The following LRBA variants were observed in gnomAD, a reference collection of about 807,000 sequenced individuals.
LRBA encodes the protein LPS responsive beige-like anchor protein.
Under a neutral mutation model 330.0 loss-of-function variants are expected in LRBA, and 176 were observed. The observed-to-expected ratio is 0.53, with a 90% CI of 0.47 to 0.60. The LOEUF is 0.60. Ranked by LOEUF, LRBA falls within the 20% of genes least tolerant of loss-of-function variation. LRBA has a pLI of 0.00. For synonymous variants in LRBA, 1,230 were observed against 1,193.0 expected (o/e 1.03, Z -0.64); for missense variants, 3,259 against 3,444.8 (o/e 0.95, Z 1.35).
chr4:150,654,689 C>T (rs1036825403), intron 37 of LRBA, among the ~76,000 whole-genome samples: 4 of 152,230 alleles, frequency 2.6e-5, no homozygotes, highest in East Asian at 3.9e-4. Flanking sequence ...GCTATCCCTA[C>T]CCCCTCCCCC....
At chr4:150,748,178 CAT>C (rs1582229400) in intron 35 of LRBA, among the ~76,000 whole-genome samples, 1 of 152,294 alleles carries the variant, frequency 6.6e-6, no homozygotes, top group South Asian at 2.1e-4. Context: ...AAATACATCA[CAT>C]ATATGTTTAT....
At chr4:150,457,517 A>G (rs909458965) in intron 44 of LRBA, among the ~76,000 whole-genome samples, 25 of 152,056 alleles carry the variant, frequency 1.6e-4, no homozygotes, top group African/African-American at 4.1e-4. Context: ...ACTGTAAAAA[A>G]GCATAGTACA....
At chr4:150,638,277 T>A (rs1213485103) in intron 37 of LRBA, among the ~76,000 whole-genome samples, 1 of 152,148 alleles carries the variant, frequency 6.6e-6, no homozygotes, top group Non-Finnish European at 1.5e-5. Flanking sequence ...TCCACCCGCC[T>A]CAGCCTACCA....
chr4:151,014,889 T>C (rs1745252096), intron 1 of LRBA, 28 bp from the exon 2 acceptor site: 1 of 453,606 alleles, frequency 2.2e-6, no homozygotes, highest in Non-Finnish European at 3.9e-6. Flanking sequence ...ATATGTTAAA[T>C]AGGCTAGGTT....
intron 40 of LRBA, chr4:150,582,926 GCACCGCCTCTTTCGAAAGC>G: frequency 7.4e-7 from 1 of 1,349,006 alleles, no homozygotes; most frequent in Non-Finnish European, 1.0e-6. Context: ...AACGGGGAGC[GCACCGCCTCTTTCGAAAGC>G]CGCTGGGCCA....
At chr4:150,525,195 T>C (rs13150736) in intron 40 of LRBA, among the ~76,000 whole-genome samples, 54,322 of 151,908 alleles carry the variant, frequency 0.36, 11,632 homozygotes, top group South Asian at 0.5. Context: ...TCAGAAGGCA[T>C]TGTGTATAGT....
chr4:150,735,377 T>C lies in LRBA; in HGVS notation c.5646-11A>G, dbSNP rs753422452. 6.5e-7 allele frequency: 1 copy of C among 1,530,288 alleles called. No homozygotes were observed. Among genetic ancestry groups the C allele is most frequent in the Admixed American group, 1.7e-5 (1 of 59,882 alleles). 94.8% of individuals were successfully genotyped at this position (1,530,288 alleles called of 1,614,324 possible). On this transcript the variant is annotated splice_polypyrimidine_tract_variant and intron_variant, in intron 35 of 56. Transcript: ENST00000651943. ...GTCTGGCTAAGCAACCTGTAAGAAATGAATGTTATCAAATAAATATATGTA... is the reference window on the plus strand; with the variant it reads ...GTCTGGCTAAGCAACCTGTAAGAAACGAATGTTATCAAATAAATATATGTA...
chr4:150,617,156 T>C (rs764702184), intron 37 of LRBA, among the ~76,000 whole-genome samples: 23 of 152,208 alleles, frequency 1.5e-4, no homozygotes, highest in Non-Finnish European at 2.6e-4. Context: ...AATTCATTGA[T>C]GGGAGCTGAA....
chr4:150,265,524 C>T lies in LRBA; in HGVS notation c.*198G>A. The T allele has an allele frequency of 4.0e-6, 2 of 500,866 alleles. No individual in the cohort carries two copies. The highest frequency in any genetic ancestry group is 5.3e-5 in the South Asian group (2 of 37,544). The allele number at this position is 500,866 out of a possible 1,614,324, so 31.0% of individuals were successfully genotyped here. ...ATAGATTTTTTAAAACTACAGAACC[C>T]AGCAGCCAGTTTTCTGCTTTGCTAA... is the stretch of plus-strand genomic sequence containing the variant. On this transcript the variant is annotated 3_prime_UTR_variant, in exon 57 of 57. Coordinates refer to ENST00000651943, the MANE Select transcript of LRBA (RefSeq NM_001364905.1).
intron 53 of LRBA, among the ~76,000 whole-genome samples, chr4:150,292,441 G>A (rs1728438630): frequency 6.6e-6 from 1 of 152,208 alleles, no homozygotes; most frequent in Admixed American, 6.5e-5. Flanking sequence ...GTTGTTATTA[G>A]CAGAGTGAAT....
chr4:150,683,704 T>C lies in LRBA; in HGVS notation c.5768A>G (p.Gln1923Arg). 8.7e-6 allele frequency: 14 copies of C among 1,610,494 alleles called. No individual in the cohort carries two copies. The highest frequency in any genetic ancestry group is 2.2e-5 in the East Asian group (1 of 44,838). ...ATCTTCTCGTTTGTCTGCAGAATACTGGGCACACAGTGACTTGGAGAGAAA... is the reference window on the plus strand; with the variant it reads ...ATCTTCTCGTTTGTCTGCAGAATACCGGGCACACAGTGACTTGGAGAGAAA... ...RHAEFESLCA[Q>R]YSADKREDEK... Residue 1923 changes from glutamine to arginine, a missense_variant, in exon 37 of 57, where the codon CAG (glutamine) becomes CGG (arginine). Physicochemically the swap from Gln to Arg is conservative, Grantham distance 43. Coordinates refer to ENST00000651943, the MANE Select transcript of LRBA (RefSeq NM_001364905.1).
intron 46 of LRBA, among the ~76,000 whole-genome samples, chr4:150,424,534 C>T (rs528476645): frequency 6.6e-6 from 1 of 152,336 alleles, no homozygotes. Flanking sequence ...ACACCTACTG[C>T]GCCAACTCAG....
chr4:150,625,419 G>A (rs1252868165), intron 37 of LRBA, among the ~76,000 whole-genome samples: 1 of 152,064 alleles, frequency 6.6e-6, no homozygotes, highest in Admixed American at 6.5e-5. Context: ...TCTCAAATGA[G>A]CAAAAAGTAA....
At chr4:151,008,075 TTTTC>T (rs1406040582) in intron 2 of LRBA, among the ~76,000 whole-genome samples, 1 of 151,886 alleles carries the variant, frequency 6.6e-6, no homozygotes, top group East Asian at 1.9e-4. Flanking sequence ...TGAGAAGTTT[TTTTC>T]TTTTTTTTTT....
rs778594161 is a variant in LRBA, at chr4:150,753,316, A to G, written c.5645+8467T>C. ...ATTCTGACCATTGCTAAATTCCCAG[A>G]GCCAAGAATATGGACCAGCACGTGG... On this transcript the variant is annotated intron_variant, in intron 35 of 56. Coordinates refer to ENST00000651943, the MANE Select transcript of LRBA (RefSeq NM_001364905.1). 2.8e-4 allele frequency among the ~76,000 whole-genome samples: 42 copies of G among 152,230 alleles called. 1 individual carries two copies. Among genetic ancestry groups the G allele is most frequent in the Admixed American group, 4.6e-4 (7 of 15,280 alleles).
intron 36 of LRBA, among the ~76,000 whole-genome samples, chr4:150,686,903 TA>T (rs1561515916): frequency 1.3e-5 from 2 of 152,248 alleles, no homozygotes; most frequent in East Asian, 3.9e-4. Flanking sequence ...GGCATAATTC[TA>T]AAAACAAGGG....
At chr4:150,684,024 T>C (rs1783288761) in intron 36 of LRBA, 1 of 229,782 alleles carries the variant, frequency 4.4e-6, no homozygotes, top group Admixed American at 5.3e-5. Context: ...TGAAGTGAAG[T>C]TGCAAAGGAC....
At chr4:150,995,983 G>T in intron 2 of LRBA, among the ~76,000 whole-genome samples, 1 of 151,374 alleles carries the variant, frequency 6.6e-6, no homozygotes. Flanking sequence ...CAGTGCCAAG[G>T]AAGACATCTG....
chr4:150,763,037 A>C (rs1735305497), intron 34 of LRBA, among the ~76,000 whole-genome samples: 1 of 152,054 alleles, frequency 6.6e-6, no homozygotes, highest in Non-Finnish European at 1.5e-5. Flanking sequence ...TCTTAAGACT[A>C]AAACAATCAC....
Sources: allele counts gnomAD v4.1 joint callset (sites outside exome capture counted in the v4.1 genomes callset), GRCh38; gene constraint gnomAD v4.1.1; transcripts MANE v1.5; gene names NCBI Gene and HGNC (gene_info 2026-07-23, HGNC 2026-07-21).